Variants in MARCHF11 observed in about 807,000 individuals in gnomAD.
The protein encoded by MARCHF11 is E3 ubiquitin-protein ligase MARCHF11.
MARCHF11 carries 29 observed loss-of-function variants against 37.3 expected under a neutral mutation model. The observed-to-expected ratio is 0.78, with a 90% CI of 0.58 to 1.06. The LOEUF (loss-of-function observed/expected upper bound fraction) is 1.06, where lower values mean the gene tolerates loss of function less well. Among genes scored for constraint, MARCHF11 ranks in the 50% least tolerant of loss-of-function variants. The pLI is 0.00. For synonymous variants in MARCHF11, 233 were observed against 228.0 expected, an observed-to-expected ratio of 1.02 and a Z score of -0.20; for missense variants, 482 against 533.4, an observed-to-expected ratio of 0.90 and a Z score of 0.95.
chr5:16,160,316 A>G (rs1334123007), intron 2 of MARCHF11, among the ~76,000 whole-genome samples: 2 of 19,564 alleles, frequency 1.0e-4, no homozygotes, highest in Non-Finnish European at 1.2e-3. Flanking sequence ...AATATTTAAT[A>G]TAAACATTTA....
chr5:16,176,586 T>C (rs978317735), intron 2 of MARCHF11, among the ~76,000 whole-genome samples: 5 of 152,222 alleles, frequency 3.3e-5, no homozygotes, highest in African/African-American at 1.2e-4. Flanking sequence ...TTTCATTTTG[T>C]GGTTGCTAAT....
Position 16,177,544 on chromosome 5 carries a change from T to G in MARCHF11, c.693+182A>C, listed in dbSNP as rs371777124. On this transcript the variant is annotated intron_variant, in intron 2 of 3. Transcript: ENST00000332432. ...TCGATTAAAATGTCTTTTGAGTTTC[T>G]CAGATAAAATGTCATGGCTTTCTCA... Among the ~76,000 whole-genome samples, 113 of 152,336 alleles carry G rather than the reference T, an allele frequency of 7.4e-4. 4 individuals carry two copies. In the South Asian group the frequency reaches 0.022, roughly 30 times the overall value.
At chr5:16,133,505 A>T (rs1737554448) in intron 2 of MARCHF11, among the ~76,000 whole-genome samples, 1 of 152,190 alleles carries the variant, frequency 6.6e-6, no homozygotes, top group Non-Finnish European at 1.5e-5. Flanking sequence ...AGATACATAA[A>T]AACTGACAAA....
At chr5:16,131,740 C>T (rs1560984276) in intron 2 of MARCHF11, among the ~76,000 whole-genome samples, 1 of 152,162 alleles carries the variant, frequency 6.6e-6, no homozygotes, top group Non-Finnish European at 1.5e-5. Context: ...GGGAACATTG[C>T]CATTTCATGA....
chr5:16,090,284 C>T (rs917054307), intron 3 of MARCHF11, among the ~76,000 whole-genome samples: 17 of 152,068 alleles, frequency 1.1e-4, no homozygotes, highest in Admixed American at 3.3e-4. Flanking sequence ...AAGGAAACAC[C>T]GAAGTAACGT....
intron 2 of MARCHF11, among the ~76,000 whole-genome samples, chr5:16,133,353 C>T (rs1737550990): frequency 6.6e-6 from 1 of 152,092 alleles, no homozygotes. Context: ...AGCCCAGTTG[C>T]CCTAGTCTAG....
intron 2 of MARCHF11, among the ~76,000 whole-genome samples, chr5:16,125,653 G>C (rs1737393511): frequency 1.4e-5 from 2 of 145,406 alleles, no homozygotes; most frequent in Non-Finnish European, 1.5e-5. Flanking sequence ...GTGTGTGTGT[G>C]TGTGTGTGTG....
chr5:16,166,222 A>C (rs1738166356), intron 2 of MARCHF11, among the ~76,000 whole-genome samples: 1 of 151,906 alleles, frequency 6.6e-6, no homozygotes, highest in South Asian at 2.1e-4. Flanking sequence ...CACTACAAGG[A>C]GCTCCAGTCT....
intron 2 of MARCHF11, among the ~76,000 whole-genome samples, chr5:16,134,345 T>C (rs1737573020): frequency 1.3e-5 from 2 of 152,302 alleles, no homozygotes; most frequent in African/African-American, 4.8e-5. Context: ...GAGTGGATTA[T>C]TGCCAATTAT....
chr5:16,079,473 C>T (rs1164229519), intron 3 of MARCHF11, among the ~76,000 whole-genome samples: 1 of 152,202 alleles, frequency 6.6e-6, no homozygotes, highest in Non-Finnish European at 1.5e-5. Flanking sequence ...GCTCTGCCTT[C>T]CAGAAACTCT....
At chr5:16,121,658 C>T (rs764748849) in intron 2 of MARCHF11, among the ~76,000 whole-genome samples, 2 of 152,130 alleles carry the variant, frequency 1.3e-5, no homozygotes, top group Non-Finnish European at 2.9e-5. Flanking sequence ...GGCCAAGGTA[C>T]AAGTAAGTGT....
intron 2 of MARCHF11, among the ~76,000 whole-genome samples, chr5:16,124,083 GACA>G (rs1206786900): frequency 6.6e-6 from 1 of 152,156 alleles, no homozygotes; most frequent in African/African-American, 2.4e-5. Flanking sequence ...GAACTCAGGA[GACA>G]ACGAGAGTGA....
intron 3 of MARCHF11, among the ~76,000 whole-genome samples, chr5:16,074,138 T>C (rs1039295847): frequency 1.3e-5 from 2 of 152,226 alleles, no homozygotes; most frequent in African/African-American, 4.8e-5. Flanking sequence ...TTAAATAACC[T>C]GCTCCTGAGC....
At chr5:16,152,130 A>G (rs1020372886) in intron 2 of MARCHF11, among the ~76,000 whole-genome samples, 5 of 151,848 alleles carry the variant, frequency 3.3e-5, no homozygotes, top group African/African-American at 1.2e-4. Flanking sequence ...TTTTATTTCT[A>G]TTTTACTCTC....
chr5:16,166,848 C>T (rs1738176812), intron 2 of MARCHF11, among the ~76,000 whole-genome samples: 2 of 151,702 alleles, frequency 1.3e-5, no homozygotes, highest in African/African-American at 2.4e-5. Flanking sequence ...TTTAATCATC[C>T]AGTATATTTG....
chr5:16,085,382 A>G (rs1736677465), intron 3 of MARCHF11, among the ~76,000 whole-genome samples: 1 of 152,182 alleles, frequency 6.6e-6, no homozygotes, highest in Non-Finnish European at 1.5e-5. Context: ...TGTGCTGCAC[A>G]TTGGCATGAC....
At position 16,085,939 on chromosome 5, in the gene MARCHF11, C is replaced by CAAAAAAAAAAAAAAAA. The variant is rs56782867; in HGVS notation, c.886+4934_886+4949dup. 4.9e-4 allele frequency among the ~76,000 whole-genome samples: 20 copies of CAAAAAAAAAAAAAAAA among 40,974 alleles called. 3 individuals are homozygous for CAAAAAAAAAAAAAAAA. The highest frequency in any genetic ancestry group is 6.9e-4 in the Admixed American group (2 of 2,884). The allele number at this position is 40,974 out of a possible 152,430, so 26.9% of individuals were successfully genotyped here. A position where few individuals can be genotyped will look rare whatever the true frequency, so the allele number is the denominator to read the frequency against. The stretch of plus-strand genomic sequence containing the variant: ...TGGGCGAAAGAGCAAGACTCCATCT[C>CAAAAAAAAAAAAAAAA]AAAAAAAAAAAAAAAAAAAAAAAAA... On this transcript the variant is annotated intron_variant, in intron 3 of 3. Transcript: ENST00000332432.
intron 2 of MARCHF11, among the ~76,000 whole-genome samples, chr5:16,163,102 T>C (rs1738111098): frequency 6.6e-6 from 1 of 152,024 alleles, no homozygotes; most frequent in Non-Finnish European, 1.5e-5. Context: ...GTAGGGCGCT[T>C]AAGTTACAAA....
At chr5:16,158,155 T>C (rs1738009706) in intron 2 of MARCHF11, among the ~76,000 whole-genome samples, 1 of 151,900 alleles carries the variant, frequency 6.6e-6, no homozygotes, top group Non-Finnish European at 1.5e-5. Context: ...AGAATGGCTA[T>C]TGTCAAAGAG....
Sources: gnomAD v4.1 joint callset for allele counts (sites outside exome capture counted in the v4.1 genomes callset) on GRCh38, gnomAD v4.1.1 for gene constraint, MANE v1.5 for transcripts, NCBI Gene and HGNC (gene_info 2026-07-23, HGNC 2026-07-21) for gene names.